The following APP variants were observed in gnomAD, a reference collection of about 807,000 sequenced individuals.
APP encodes amyloid beta precursor protein.
Under a neutral mutation model 101.4 loss-of-function variants are expected in APP, and 31 were observed. The ratio of observed to expected loss-of-function variants is 0.31; its 90% CI spans 0.23 to 0.41. The LOEUF (loss-of-function observed/expected upper bound fraction) is 0.41, where lower values mean the gene tolerates loss of function less well. APP is among the 10% of genes least tolerant of loss of function. The pLI, the probability that APP is intolerant of heterozygous loss-of-function variation, is 1.00. For missense variants in APP, 839 were observed against 1,003.7 expected (o/e 0.84, Z 2.22); for synonymous variants, 366 against 364.4 (o/e 1.00, Z -0.05).
chr21:26,005,296 C>T (rs923020175), intron 6 of APP, among the ~76,000 whole-genome samples: 2 of 152,246 alleles, frequency 1.3e-5, no homozygotes, highest in Admixed American at 1.3e-4. Flanking sequence ...CACATATAAT[C>T]TCACCTACTC....
intron 16 of APP, among the ~76,000 whole-genome samples, chr21:25,896,434 A>T (rs2038051149): frequency 6.6e-6 from 1 of 151,666 alleles, no homozygotes; most frequent in South Asian, 2.1e-4. Context: ...ACACACACAC[A>T]CAAAACAAAA....
At chr21:26,103,902 T>C (rs540315060) in intron 2 of APP, among the ~76,000 whole-genome samples, 14 of 152,328 alleles carry the variant, frequency 9.2e-5, no homozygotes, top group African/African-American at 3.4e-4. Context: ...GAAGCCACAG[T>C]AGGTCTTTGT....
At position 25,881,405 on chromosome 21, in the gene APP, T is replaced by C. The variant is rs2036974966; in HGVS notation, c.*265A>G. On this transcript the variant is annotated 3_prime_UTR_variant, in exon 18 of 18. Transcript: ENST00000346798. ...AGAATCTATTCATGCACTAGTTTGA[T>C]ACAGCTAAATTCTTTACAGTACACA... The C allele has an allele frequency of 1.9e-6, 1 of 526,576 alleles. No homozygotes were observed. Among genetic ancestry groups the C allele is most frequent in the East Asian group, 3.5e-5 (1 of 28,936 alleles). The allele number at this position is 526,576 out of a possible 1,614,324, so 32.6% of individuals were successfully genotyped here. A position where few individuals can be genotyped will look rare whatever the true frequency, so the allele number is the denominator to read the frequency against.
At chr21:26,062,661 CAAATAAAT>C (rs10529214) in intron 3 of APP, among the ~76,000 whole-genome samples, 118 of 145,372 alleles carry the variant, frequency 8.1e-4, no homozygotes, top group Non-Finnish European at 1.3e-3. Context: ...GACTCTGTCT[CAAATAAAT>C]AAATAAATAA....
intron 2 of APP, among the ~76,000 whole-genome samples, chr21:26,109,273 G>A (rs1171502677): frequency 6.6e-6 from 1 of 152,226 alleles, no homozygotes; most frequent in Non-Finnish European, 1.5e-5. Flanking sequence ...GTAATTCCCA[G>A]TGTTGGAAGT....
intron 1 of APP, among the ~76,000 whole-genome samples, chr21:26,119,534 C>T (rs534036974): frequency 6.6e-6 from 1 of 152,328 alleles, no homozygotes; most frequent in South Asian, 2.1e-4. Flanking sequence ...TCCCAATGTT[C>T]CAACTACTAA....
intron 2 of APP, among the ~76,000 whole-genome samples, chr21:26,109,213 C>G (rs1050279849): frequency 2.0e-5 from 3 of 152,166 alleles, no homozygotes; most frequent in African/African-American, 7.2e-5. Context: ...TGTGCTCAAC[C>G]CTTTGATACA....
At chr21:25,973,740 C>T (rs778202488) in intron 11 of APP, among the ~76,000 whole-genome samples, 7 of 151,848 alleles carry the variant, frequency 4.6e-5, no homozygotes, top group African/African-American at 1.2e-4. Context: ...GTCAGGAGTT[C>T]GAGATCAGCC....
intron 3 of APP, among the ~76,000 whole-genome samples, chr21:26,081,523 T>C (rs1176697689): frequency 6.6e-6 from 1 of 152,216 alleles, no homozygotes; most frequent in Admixed American, 6.5e-5. Flanking sequence ...ACTTCTTTTG[T>C]GGTGGAATGT....
intron 6 of APP, among the ~76,000 whole-genome samples, chr21:26,004,275 CTTTTTTTTTTT>C (rs71183538): frequency 8.2e-5 from 6 of 72,794 alleles, no homozygotes; most frequent in East Asian, 5.0e-4. Context: ...TGTATTAATT[CTTTTTTTTTTT>C]TTTTTTTTTT....
chr21:25,968,291 C>T (rs952360515), intron 11 of APP, among the ~76,000 whole-genome samples: 2 of 151,106 alleles, frequency 1.3e-5, no homozygotes, highest in Admixed American at 6.6e-5. Flanking sequence ...ACTACAGGCG[C>T]GCACCATCAT....
chr21:26,039,776 A>C (rs749145490), intron 5 of APP, among the ~76,000 whole-genome samples: 14 of 152,222 alleles, frequency 9.2e-5, no homozygotes, highest in Non-Finnish European at 1.8e-4. Context: ...TAAAATGTAG[A>C]TCTGAAGGAA....
chr21:25,949,830 G>A (rs902472093), intron 13 of APP, among the ~76,000 whole-genome samples: 4 of 152,178 alleles, frequency 2.6e-5, no homozygotes, highest in Admixed American at 2.0e-4. Flanking sequence ...AAAATAGGCA[G>A]CAGAAAGAAC....
At chr21:25,966,198 C>T (rs1455656271) in intron 11 of APP, among the ~76,000 whole-genome samples, 1 of 152,138 alleles carries the variant, frequency 6.6e-6, no homozygotes, top group Non-Finnish European at 1.5e-5. Flanking sequence ...AGTAATAGTA[C>T]TGAGTGGCTT....
intron 13 of APP, among the ~76,000 whole-genome samples, chr21:25,946,987 A>G (rs1001453705): frequency 1.9e-4 from 29 of 152,184 alleles, no homozygotes; most frequent in Non-Finnish European, 3.4e-4. Context: ...TTTTACATTC[A>G]TTATTCCTAG....
intron 14 of APP, 53 bp downstream of exon 14, chr21:25,911,688 G>A (rs1485960712): frequency 5.4e-6 from 8 of 1,486,100 alleles, no homozygotes; most frequent in Non-Finnish European, 7.5e-6. Context: ...CACACGTTAT[G>A]TATGTGTATA....
At chr21:26,007,616 T>C (rs2043595823) in intron 6 of APP, among the ~76,000 whole-genome samples, 1 of 151,776 alleles carries the variant, frequency 6.6e-6, no homozygotes, top group African/African-American at 2.4e-5. Context: ...TATTACTACG[T>C]GGTGACATTT....
intron 7 of APP, 145 bp downstream of exon 7, chr21:25,999,870 G>T: frequency 1.1e-6 from 1 of 936,842 alleles, no homozygotes. Flanking sequence ...CGGAGACTCT[G>T]AGCAATTAGA....
At chr21:25,938,657 A>T (rs2040450332) in intron 13 of APP, among the ~76,000 whole-genome samples, 1 of 152,216 alleles carries the variant, frequency 6.6e-6, no homozygotes, top group African/African-American at 2.4e-5. Flanking sequence ...ACTGTGCTTC[A>T]CTTGGCCCCA....
Sources: gnomAD v4.1 joint callset for allele counts (sites outside exome capture counted in the v4.1 genomes callset) on GRCh38, gnomAD v4.1.1 for gene constraint, MANE v1.5 for transcripts, NCBI Gene and HGNC (gene_info 2026-07-23, HGNC 2026-07-21) for gene names.